ZNF611: variants seen among roughly 807,000 people sequenced by gnomAD.
ZNF611 encodes zinc finger protein 611.
In ZNF611, 6 loss-of-function variants were observed where a neutral mutation model predicts 8.9. The ratio of observed to expected loss-of-function variants is 0.68; its 90% CI spans 0.37 to 1.34. The LOEUF is 1.34. Ranked by LOEUF, ZNF611 falls within the 40% of genes most tolerant of loss-of-function variation. The pLI, the probability that ZNF611 is intolerant of heterozygous loss-of-function variation, is 0.02. For synonymous variants in ZNF611, 262 were observed against 279.7 expected, an observed-to-expected ratio of 0.94 and a Z score of 0.63; for missense variants, 874 against 841.3, an observed-to-expected ratio of 1.04 and a Z score of -0.48.
At chr19:52,717,739 T>C in intron 3 of ZNF611, 6 of 968,852 alleles carry the variant, frequency 6.2e-6, no homozygotes, top group Non-Finnish European at 7.4e-6. Context: ...GACACTTACT[T>C]AGAAGCTCAC....
Position 52,715,887 on chromosome 19 carries a change from C to G in ZNF611, c.8G>C (p.Arg3Pro), listed in dbSNP as rs146379839. 3 of 1,613,442 alleles carry G rather than the reference C, an allele frequency of 1.9e-6. No homozygotes were observed. The highest frequency in any genetic ancestry group is 2.7e-5 in the African/African-American group (2 of 75,014). ML[R>P]EEAAQKRKGK... ...TTTCCTCTTCTGAGCTGCTTCCTCA[C>G]GTAACATGAGTCTTTAGGAATCAAT... The change falls in exon 4 of 6, where the codon CGT (arginine) becomes CCT (proline). Residue 3 changes from arginine to proline, a missense_variant. Transcript: ENST00000652185.
In ZNF611 at chr19:52,704,738, G is replaced by T. The variant is rs2062227313; in HGVS notation, c.*199C>A. ...GCCTGATGGTGAATAAGTGTTGACT[G>T]CTTGCCAAAGGCTTTGCCACACTCA... is the stretch of plus-strand genomic sequence containing the variant. On this transcript the variant is annotated 3_prime_UTR_variant, in exon 6 of 6. Transcript: ENST00000652185. 3 of 1,598,562 alleles carry T rather than the reference G, an allele frequency of 1.9e-6. No homozygotes were observed. In the Admixed American group the frequency reaches 5.0e-5, roughly 27 times the overall value.
chr19:52,726,415 CCTTTTT>C (rs745868963), intron 3 of ZNF611, among the ~76,000 whole-genome samples: 2 of 152,048 alleles, frequency 1.3e-5, no homozygotes, highest in Non-Finnish European at 2.9e-5. Flanking sequence ...TCTTTTCTTT[CCTTTTT>C]ATTTATTTTT....
intron 3 of ZNF611, among the ~76,000 whole-genome samples, chr19:52,719,220 T>C (rs527823718): frequency 6.6e-6 from 1 of 152,026 alleles, no homozygotes; most frequent in East Asian, 1.9e-4. Flanking sequence ...ACCACATGAA[T>C]GAAATGAAGA....
rs2062236488 is a variant in ZNF611 at position 52,705,670 on chromosome 19, G to A, written c.1385C>T (p.Ala462Val). The A allele has an allele frequency of 6.2e-7, 1 of 1,613,800 alleles. No homozygotes were observed. The highest frequency in any genetic ancestry group is 8.5e-7 in the Non-Finnish European group (1 of 1,179,860). The change falls in exon 6 of 6, where the codon GCT (alanine) becomes GTT (valine). Residue 462 changes from alanine (A) to valine (V), a missense_variant. Transcript: ENST00000652185. ...TGCCAGTTGTGAACTCCACACAAAA[G>A]CCTTGTCACAAACCTTACATTTGTA... ...KSYKCKVCDK[A>V]FVWSSQLAKH...
Position 52,704,912 on chromosome 19 carries a change from A to T in ZNF611, c.*25T>A, listed in dbSNP as rs775517255. ...TCTTTAAGGTGTGATTTCCAAATGG[A>T]AACTTTGTCACATGCTTCACATTTC... is the stretch of plus-strand genomic sequence containing the variant. On this transcript the variant is annotated 3_prime_UTR_variant, in exon 6 of 6. Coordinates refer to ENST00000652185, the MANE Select transcript of ZNF611 (RefSeq NM_001161499.2). 1.2e-6 allele frequency: 2 copies of T among 1,612,496 alleles called. No individual in the cohort carries two copies. The highest frequency in any genetic ancestry group is 4.5e-5 in the East Asian group (2 of 44,886).
Position 52,729,492 on chromosome 19 carries a change from C to CAA in ZNF611, c.-122+412_-122+413dup, listed in dbSNP as rs397859789. On this transcript the variant is annotated intron_variant, in intron 2 of 5. Transcript: ENST00000652185. ...TGGGTGACAGAGCGAGACTCCATCT[C>CAA]AAAAAAAAAAAAAAAAAAAAAAAAA... Among the ~76,000 whole-genome samples, 28 of 42,356 alleles carry CAA rather than the reference C, an allele frequency of 6.6e-4. 3 individuals are homozygous for CAA. The East Asian group carries it at 0.026, about 39-fold the overall frequency. The allele number at this position is 42,356 out of a possible 152,430, so 27.8% of individuals were successfully genotyped here.
At position 52,705,349 on chromosome 19, in the gene ZNF611, T is replaced by G; in HGVS notation, c.1706A>C (p.Asn569Thr). Reference sequence around the variant, plus strand: ...GTGACTGAAGGTCTTGCTGCACTCATTACACTTGTAAGGTTTCTCTCCACT... The same window carrying G: ...GTGACTGAAGGTCTTGCTGCACTCAGTACACTTGTAAGGTTTCTCTCCACT... ...IHSGEKPYKC[N>T]ECSKTFSHRS... is the part of the protein sequence containing the mutation. Residue 569 changes from asparagine to threonine, a missense_variant, in exon 6 of 6, where the codon AAT (asparagine) becomes ACT (threonine). Coordinates refer to ENST00000652185, the MANE Select transcript of ZNF611 (RefSeq NM_001161499.2). 6.2e-7 allele frequency: 1 copy of G among 1,614,198 alleles called. No individual in the cohort carries two copies.
chr19:52,715,084 G>A (rs550232132), intron 4 of ZNF611, among the ~76,000 whole-genome samples: 48 of 152,238 alleles, frequency 3.2e-4, no homozygotes, highest in East Asian at 3.9e-4. Context: ...TCAACATACC[G>A]GGTGATATTA....
In ZNF611 at chr19:52,714,034, G is replaced by A; in HGVS notation, c.171C>T (p.Tyr57=). ...ALYREVMLEN[Y]RNLEAVDISS... is the part of the protein sequence containing the mutation. ...CCTCACCCACAGCCTCCAGGTTCCT[G>A]TAGTTCTCCAACATCACTTCCCTGT... Residue 57 remains tyrosine, a synonymous_variant, in exon 5 of 6, where the codon TAC becomes TAT. Coordinates refer to ENST00000652185, the MANE Select transcript of ZNF611 (RefSeq NM_001161499.2). 1 of 1,614,118 alleles carries A rather than the reference G, an allele frequency of 6.2e-7. No homozygotes were observed. Among genetic ancestry groups the A allele is most frequent in the Non-Finnish European group, 8.5e-7 (1 of 1,180,014 alleles).
chr19:52,714,980 G>C (rs190033510), intron 4 of ZNF611, among the ~76,000 whole-genome samples: 19 of 152,062 alleles, frequency 1.2e-4, no homozygotes, highest in Non-Finnish European at 2.6e-4. Context: ...CCTGGCAACA[G>C]AGCAAGACTC....
chr19:52,719,604 C>G (rs954797715), intron 3 of ZNF611, among the ~76,000 whole-genome samples: 37 of 152,260 alleles, frequency 2.4e-4, no homozygotes, highest in African/African-American at 8.7e-4. Flanking sequence ...ATCAACTCAC[C>G]GCTCATCTGC....
chr19:52,732,202 G>A (rs35629385), intron 1 of ZNF611, among the ~76,000 whole-genome samples: 50,281 of 144,710 alleles, frequency 0.35, 9,616 homozygotes, highest in East Asian at 0.42. Flanking sequence ...CCCGGGAGGC[G>A]GAGCTTGCAG....
chr19:52,727,249 C>G (rs1002803520), intron 3 of ZNF611, among the ~76,000 whole-genome samples: 2 of 151,982 alleles, frequency 1.3e-5, no homozygotes, highest in Non-Finnish European at 2.9e-5. Context: ...GAGAAATCAT[C>G]TCCACGATGA....
rs1157511721 is a variant in ZNF611 at position 52,704,195 on chromosome 19, AC to A, written c.*741del. 19 of 394,078 alleles carry A rather than the reference AC, an allele frequency of 4.8e-5. No individual in the cohort carries two copies. Among genetic ancestry groups the A allele is most frequent in the Non-Finnish European group, 8.7e-5 (17 of 194,306 alleles). The allele number at this position is 394,078 out of a possible 1,614,324, so 24.4% of individuals were successfully genotyped here. A position where few individuals can be genotyped will look rare whatever the true frequency, so the allele number is the denominator to read the frequency against. On this transcript the variant is annotated 3_prime_UTR_variant, in exon 6 of 6. Transcript: ENST00000652185. Reference sequence around the variant, plus strand: ...GGCTTGAACTCAATGTTAAGTCAACACAAACTCAAGTCAATGCTGAATTGAC... The same window carrying A: ...GGCTTGAACTCAATGTTAAGTCAACAAAACTCAAGTCAATGCTGAATTGAC...
chr19:52,705,699 T>G lies in ZNF611; in HGVS notation c.1356A>C (p.Lys452Asn). The G allele has an allele frequency of 6.2e-7, 1 of 1,614,004 alleles. No individual in the cohort carries two copies. The highest frequency in any genetic ancestry group is 8.5e-7 in the Non-Finnish European group (1 of 1,179,914). The change falls in exon 6 of 6, where the codon AAA becomes AAC. Residue 452 changes from lysine to asparagine, a missense_variant. Lys to Asn is a moderately conservative substitution (Grantham distance 94, BLOSUM62 0). Transcript: ENST00000652185. ...VCHHRLHGGEKSYKCKVCDKA... is the reference protein window; with the variant it reads ...VCHHRLHGGENSYKCKVCDKA... ...TGTCACAAACCTTACATTTGTAAGATTTCTCTCCACCATGAAGTCTATGAT... is the reference window on the plus strand; with the variant it reads ...TGTCACAAACCTTACATTTGTAAGAGTTCTCTCCACCATGAAGTCTATGAT...
rs764552088 is a variant in ZNF611, at chr19:52,705,068, A to C, written c.1987T>G (p.Ser663Ala). The change falls in exon 6 of 6, where the codon TCA (serine) becomes GCA (alanine). Residue 663 changes from serine (S) to alanine (A), a missense_variant. Transcript: ENST00000652185. ...ATTCTGGTATGTCTTGACAGGAGTG[A>C]ATTACGCACGAAAGCCTTGTCACAA... The part of the protein sequence containing the change: ...TICDKAFVRN[S>A]LLSRHTRIHT... 6.2e-7 allele frequency: 1 copy of C among 1,614,148 alleles called. No individual in the cohort carries two copies. Among genetic ancestry groups the C allele is most frequent in the South Asian group, 1.1e-5 (1 of 91,086 alleles).
chr19:52,718,393 G>A (rs546052108), intron 3 of ZNF611, among the ~76,000 whole-genome samples: 3 of 150,904 alleles, frequency 2.0e-5, no homozygotes, highest in Non-Finnish European at 4.4e-5. Context: ...TGGTCCCAGG[G>A]AATCCAGAGG....
At position 52,706,875 on chromosome 19, in the gene ZNF611, T is replaced by G; in HGVS notation, c.191-11A>C. 6.2e-7 allele frequency: 1 copy of G among 1,604,858 alleles called. No individual in the cohort carries two copies. The highest frequency in any genetic ancestry group is 8.5e-7 in the Non-Finnish European group (1 of 1,176,620). On this transcript the variant is annotated splice_polypyrimidine_tract_variant and intron_variant, in intron 5 of 5. Coordinates refer to ENST00000652185, the MANE Select transcript of ZNF611 (RefSeq NM_001161499.2). ...ATTTGGAAGAGATATCTACAAAATA[T>G]AAACACCAATACATTTCCAATTAAG...
Sources: gnomAD v4.1 joint callset for allele counts (sites outside exome capture counted in the v4.1 genomes callset) on GRCh38, gnomAD v4.1.1 for gene constraint, MANE v1.5 for transcripts, NCBI Gene and HGNC (gene_info 2026-07-23, HGNC 2026-07-21) for gene names.